COPA: variants seen among roughly 807,000 people sequenced by gnomAD.
COPA encodes coatomer subunit alpha.
In COPA, 10 loss-of-function variants were observed where a neutral mutation model predicts 158.7. That is an observed-to-expected ratio of 0.06 (90% CI 0.04 to 0.11). The LOEUF is 0.11. Ranked by LOEUF, COPA falls within the 10% of genes least tolerant of loss-of-function variation. The pLI is 1.00. For missense variants in COPA, 1,065 were observed against 1,536.7 expected, an observed-to-expected ratio of 0.69 and a Z score of 5.13; for synonymous variants, 462 against 542.8, an observed-to-expected ratio of 0.85 and a Z score of 2.07.
intron 5 of COPA, 123 bp downstream of exon 5, chr1:160,333,479 CA>C: frequency 1.6e-6 from 1 of 614,880 alleles, no homozygotes; most frequent in South Asian, 2.7e-5. Flanking sequence ...CCTACAAATA[CA>C]ATCAGTAATT....
chr1:160,305,215 T>C (rs898143595), intron 17 of COPA: 6 of 486,242 alleles, frequency 1.2e-5, no homozygotes, highest in Admixed American at 3.6e-5. Flanking sequence ...ACTTATTTGT[T>C]ATTCTATTTT....
chr1:160,334,197 T>A (rs770756093), intron 4 of COPA, among the ~76,000 whole-genome samples: 2 of 152,210 alleles, frequency 1.3e-5, no homozygotes, highest in Non-Finnish European at 2.9e-5. Flanking sequence ...AAGTATTTCT[T>A]ATTTACACTT....
chr1:160,290,730 C>A (rs758107422), intron 31 of COPA, 44 bp from the exon 32 acceptor site: 33 of 1,575,394 alleles, frequency 2.1e-5, no homozygotes, highest in Non-Finnish European at 2.7e-5. Flanking sequence ...AGGCTGCAGA[C>A]AACACCTCAA....
At chr1:160,297,281 C>G in intron 21 of COPA, 62 bp downstream of exon 21, 1 of 1,465,702 alleles carries the variant, frequency 6.8e-7, no homozygotes, top group Non-Finnish European at 9.6e-7. Flanking sequence ...CAGATTAACT[C>G]AACAAAAACA....
At chr1:160,318,492 C>CAAAAAAAAAAAAAAAAAAAAAAAAA (rs1184111001) in intron 8 of COPA, among the ~76,000 whole-genome samples, 3 of 58,080 alleles carry the variant, frequency 5.2e-5, no homozygotes, top group Non-Finnish European at 8.5e-5. Context: ...AAAAAAAAAA[C>CAAAAAAAAAAAAAAAAAAAAAAAAA]AAAAAAAAAA....
In COPA at chr1:160,340,307, G is replaced by T; in HGVS notation, c.41-13C>A. On this transcript the variant is annotated splice_polypyrimidine_tract_variant and intron_variant, in intron 1 of 32. Coordinates refer to ENST00000241704, the MANE Select transcript of COPA (RefSeq NM_004371.4). Reference sequence around the variant, plus strand: ...TGAAAGCTGAGCCCTGAAAAAAATAGAAAATGATACAATGAGCTAACTAAG... The same window carrying T: ...TGAAAGCTGAGCCCTGAAAAAAATATAAAATGATACAATGAGCTAACTAAG... 2 of 1,561,764 alleles carry T rather than the reference G, an allele frequency of 1.3e-6. No homozygotes were observed. Among genetic ancestry groups the T allele is most frequent in the East Asian group, 4.5e-5 (2 of 44,594 alleles).
intron 25 of COPA, among the ~76,000 whole-genome samples, chr1:160,293,914 G>A (rs946936159): frequency 6.6e-6 from 1 of 152,202 alleles, no homozygotes; most frequent in Non-Finnish European, 1.5e-5. Flanking sequence ...GGAGAAGGCT[G>A]CCAAAATAGG....
chr1:160,299,672 A>T (rs1238445706), intron 17 of COPA, among the ~76,000 whole-genome samples: 1 of 152,216 alleles, frequency 6.6e-6, no homozygotes, highest in Non-Finnish European at 1.5e-5. Flanking sequence ...ATAATAATAA[A>T]TAGATTGCAA....
In COPA at chr1:160,305,569, T is replaced by C. The variant is rs1658757718; in HGVS notation, c.1531A>G (p.Ile511Val). The change falls in exon 17 of 33, where the codon ATT (isoleucine) becomes GTT (valine). Residue 511 changes from isoleucine to valine, a missense_variant and splice_region_variant. Physicochemically the swap from Ile to Val is conservative, Grantham distance 29. This residue lies in a region of COPA where 980 missense variants were observed against 1,357.8 expected (regional missense o/e 0.72). Coordinates refer to ENST00000241704, the MANE Select transcript of COPA (RefSeq NM_004371.4). ...TCCAGTTTGCGGTTACAGATCACAA[T>C]GGCTGTAAGAGGCAAAGGGCATGAG... Reference protein sequence around the residue: ...SHVALLAKHAIVICNRKLDAL... With the variant: ...SHVALLAKHAVVICNRKLDAL... 6.2e-7 allele frequency: 1 copy of C among 1,613,986 alleles called. No homozygotes were observed. The highest frequency in any genetic ancestry group is 8.5e-7 in the Non-Finnish European group (1 of 1,179,954).
intron 4 of COPA, among the ~76,000 whole-genome samples, chr1:160,334,622 A>G (rs1378694212): frequency 6.6e-6 from 1 of 152,210 alleles, no homozygotes; most frequent in Non-Finnish European, 1.5e-5. Context: ...AAAGAGACTT[A>G]ATTTACTGGC....
At position 160,291,533 on chromosome 1, in the gene COPA, G is replaced by T. The variant is rs1212255124; in HGVS notation, c.3259-37C>A. ...AAAAAGGAACACATGCCAGGTTGATGCTACACCTGGTAGAAGTCATTTCTA... is the reference window on the plus strand; with the variant it reads ...AAAAAGGAACACATGCCAGGTTGATTCTACACCTGGTAGAAGTCATTTCTA... On this transcript the variant is annotated intron_variant, in intron 30 of 32. Transcript: ENST00000241704. 3.7e-6 allele frequency: 6 copies of T among 1,600,890 alleles called. No homozygotes were observed. The African/African-American group carries it at 6.7e-5, about 18-fold the overall frequency.
chr1:160,294,637 T>C, intron 24 of COPA, 44 bp from the exon 25 acceptor site: 1 of 1,606,628 alleles, frequency 6.2e-7, no homozygotes, highest in Non-Finnish European at 8.5e-7. Flanking sequence ...GGCAGTGGCA[T>C]AATCTTAGCC....
intron 30 of COPA, 152 bp downstream of exon 30, chr1:160,291,667 G>T (rs1557859484): frequency 1.9e-6 from 2 of 1,066,636 alleles, no homozygotes; most frequent in Non-Finnish European, 2.7e-6. Flanking sequence ...GAGGAAGTAG[G>T]ATGAAGAAAT....
chr1:160,339,829 G>T, intron 3 of COPA, 80 bp downstream of exon 3: 1 of 1,324,622 alleles, frequency 7.5e-7, no homozygotes, highest in Non-Finnish European at 1.1e-6. Context: ...GAAATTTCCT[G>T]TCTTTCAGTT....
chr1:160,337,136 C>G (rs1647807943), intron 3 of COPA, among the ~76,000 whole-genome samples: 1 of 152,160 alleles, frequency 6.6e-6, no homozygotes, highest in Admixed American at 6.5e-5. Context: ...TTATAGAGTT[C>G]AGTGTTTTAA....
intron 15 of COPA, 43 bp downstream of exon 15, chr1:160,306,311 C>T (rs1378969688): frequency 6.5e-7 from 1 of 1,530,914 alleles, no homozygotes. Flanking sequence ...GTCCACTCTC[C>T]CCAACTACAG....
chr1:160,310,307 T>C, intron 11 of COPA, 49 bp from the exon 12 acceptor site: 2 of 1,251,538 alleles, frequency 1.6e-6, no homozygotes, highest in Non-Finnish European at 2.3e-6. Context: ...GGCATAAGAA[T>C]AGAAGGAAGA....
At position 160,332,515 on chromosome 1, in the gene COPA, G is replaced by C. The variant is rs1390435268; in HGVS notation, c.429C>G (p.Phe143Leu). 1 of 1,613,440 alleles carries C rather than the reference G, an allele frequency of 6.2e-7. No homozygotes were observed. The highest frequency in any genetic ancestry group is 8.5e-7 in the Non-Finnish European group (1 of 1,179,886). The change falls in exon 6 of 33, where the codon TTC becomes TTG. Residue 143 changes from phenylalanine to leucine, a missense_variant. Phe to Leu is a conservative substitution (Grantham distance 22). Around this residue, in one of 2 missense-constraint regions of COPA, gnomAD observed 980 missense variants for 1,357.8 expected, o/e 0.72. Coordinates refer to ENST00000241704, the MANE Select transcript of COPA (RefSeq NM_004371.4). ...GHNHYVMCAQ[F>L]HPTEDLVVSA... is the part of the protein sequence containing the mutation. ...ATACTACCAAGTCTTCTGTGGGGTG[G>C]AACTGAGCACACATCACATAATGGT...
intron 8 of COPA, among the ~76,000 whole-genome samples, chr1:160,321,617 G>A (rs1322616501): frequency 2.6e-5 from 4 of 152,028 alleles, no homozygotes; most frequent in Admixed American, 6.6e-5. Context: ...GTGAAACCTC[G>A]TCTCTAAAAA....
Sources: gnomAD v4.1 joint callset for allele counts (sites outside exome capture counted in the v4.1 genomes callset) on GRCh38, gnomAD v4.1.1 for gene constraint, gnomAD v4.1.1 regional missense constraint, MANE v1.5 for transcripts, NCBI Gene and HGNC (gene_info 2026-07-23, HGNC 2026-07-21) for gene names.